EYA1: variants seen among roughly 807,000 people sequenced by gnomAD.
The protein encoded by EYA1 is protein phosphatase EYA1.
In EYA1, 16 loss-of-function variants were observed where a neutral mutation model predicts 82.0. The observed-to-expected ratio is 0.20, with a 90% CI of 0.13 to 0.30. The LOEUF (loss-of-function observed/expected upper bound fraction) is 0.30, where lower values mean the gene tolerates loss of function less well. Among genes scored for constraint, EYA1 ranks in the 10% least tolerant of loss-of-function variants. The pLI is 1.00. For synonymous variants in EYA1, 261 were observed against 264.4 expected, an observed-to-expected ratio of 0.99 and a Z score of 0.12; for missense variants, 633 against 730.7, an observed-to-expected ratio of 0.87 and a Z score of 1.54.
intron 3 of EYA1, among the ~76,000 whole-genome samples, chr8:71,344,407 T>C (rs985940344): frequency 6.6e-5 from 10 of 152,214 alleles, no homozygotes; most frequent in Non-Finnish European, 1.2e-4. Flanking sequence ...TTTATATTTA[T>C]TGAGGACCTA....
chr8:71,228,663 C>T (rs1191719233), intron 12 of EYA1, among the ~76,000 whole-genome samples: 1 of 152,160 alleles, frequency 6.6e-6, no homozygotes, highest in Non-Finnish European at 1.5e-5. Flanking sequence ...TACATAACCA[C>T]ATGTTCTCGA....
At chr8:71,360,922 A>C (rs924195725) in intron 1 of EYA1, among the ~76,000 whole-genome samples, 1 of 152,258 alleles carries the variant, frequency 6.6e-6, no homozygotes. Flanking sequence ...CCCATGAGTC[A>C]TTAACAATTC....
chr8:71,362,374 C>A, upstream of EYA1: 1 of 190,320 alleles, frequency 5.3e-6, no homozygotes, highest in Non-Finnish European at 9.7e-6. Context: ...GTGGTCAACA[C>A]ACACGCGTCC....
intron 1 of EYA1, among the ~76,000 whole-genome samples, chr8:71,541,649 A>G (rs982931587): frequency 1.3e-5 from 2 of 152,234 alleles, no homozygotes; most frequent in East Asian, 1.9e-4. Flanking sequence ...TTGATGGCAC[A>G]CCCATAAGGG....
intron 2 of EYA1, among the ~76,000 whole-genome samples, chr8:71,513,652 TC>T (rs1462905186): frequency 1.4e-4 from 22 of 152,122 alleles, no homozygotes; most frequent in Admixed American, 3.3e-4. Context: ...AATTAAGTTA[TC>T]ATTGACTATA....
At chr8:71,479,856 T>C (rs778898799) in intron 2 of EYA1, among the ~76,000 whole-genome samples, 25 of 152,266 alleles carry the variant, frequency 1.6e-4, no homozygotes, top group Non-Finnish European at 2.5e-4. Flanking sequence ...CAGTGAGCTA[T>C]GTGGGTGGAC....
At chr8:71,259,192 C>T (rs955863977) in intron 11 of EYA1, among the ~76,000 whole-genome samples, 7 of 152,148 alleles carry the variant, frequency 4.6e-5, no homozygotes, top group South Asian at 2.1e-4. Flanking sequence ...AAGCCAGAGC[C>T]GTATCACATT....
At chr8:71,367,712 A>G (rs1827837319) in intron 2 of EYA1, among the ~76,000 whole-genome samples, 1 of 152,218 alleles carries the variant, frequency 6.6e-6, no homozygotes, top group South Asian at 2.1e-4. Flanking sequence ...AGCAATGTCA[A>G]TAGGTATACA....
chr8:71,432,202 A>G (rs1005217277), intron 2 of EYA1, among the ~76,000 whole-genome samples: 2 of 152,128 alleles, frequency 1.3e-5, no homozygotes, highest in South Asian at 2.1e-4. Flanking sequence ...GCTTATTTGT[A>G]TGCATAGAAC....
intron 2 of EYA1, among the ~76,000 whole-genome samples, chr8:71,432,553 G>A (rs1406018481): frequency 6.6e-6 from 1 of 152,130 alleles, no homozygotes; most frequent in Non-Finnish European, 1.5e-5. Context: ...ACAGATGGTC[G>A]CCTTCCCCAT....
At chr8:71,236,570 G>C (rs1175921458) in intron 12 of EYA1, among the ~76,000 whole-genome samples, 1 of 152,062 alleles carries the variant, frequency 6.6e-6, no homozygotes, top group East Asian at 1.9e-4. Context: ...AAAAACCATG[G>C]GGGGTGGGTA....
intron 3 of EYA1, among the ~76,000 whole-genome samples, chr8:71,350,197 C>T (rs1826164605): frequency 6.6e-6 from 1 of 152,098 alleles, no homozygotes; most frequent in African/African-American, 2.4e-5. Context: ...AATATATAAA[C>T]ATAGCCTATA....
chr8:71,537,664 C>A (rs936648851), intron 1 of EYA1, among the ~76,000 whole-genome samples: 2 of 152,160 alleles, frequency 1.3e-5, no homozygotes, highest in African/African-American at 4.8e-5. Flanking sequence ...TAAGACAAAG[C>A]CCCCTCTGAT....
At chr8:71,519,896 C>T (rs1398295535) in intron 2 of EYA1, among the ~76,000 whole-genome samples, 1 of 152,124 alleles carries the variant, frequency 6.6e-6, no homozygotes, top group Non-Finnish European at 1.5e-5. Context: ...ATTAGTTCTA[C>T]TGAACATGAA....
intron 2 of EYA1, among the ~76,000 whole-genome samples, chr8:71,444,160 C>A (rs1420989712): frequency 6.6e-6 from 1 of 152,196 alleles, no homozygotes; most frequent in Non-Finnish European, 1.5e-5. Flanking sequence ...TAATTTACTG[C>A]AACTTAGGTG....
intron 1 of EYA1, among the ~76,000 whole-genome samples, chr8:71,540,798 T>C (rs1815078369): frequency 6.6e-6 from 1 of 152,158 alleles, no homozygotes; most frequent in Non-Finnish European, 1.5e-5. Context: ...CTCTTTGCCT[T>C]CTCACCAAGT....
chr8:71,369,648 G>A (rs910603836), intron 2 of EYA1, among the ~76,000 whole-genome samples: 15 of 152,294 alleles, frequency 9.8e-5, no homozygotes, highest in Admixed American at 3.3e-4. Context: ...TGGAATGAGT[G>A]CTCAAACAGG....
intron 6 of EYA1, among the ~76,000 whole-genome samples, chr8:71,320,137 T>G (rs1293704836): frequency 6.6e-6 from 1 of 152,150 alleles, no homozygotes; most frequent in Non-Finnish European, 1.5e-5. Flanking sequence ...GACAAGGACA[T>G]TCATTAATGG....
At chr8:71,515,328 T>C (rs1262088251) in intron 2 of EYA1, among the ~76,000 whole-genome samples, 1 of 152,098 alleles carries the variant, frequency 6.6e-6, no homozygotes, top group African/African-American at 2.4e-5. Flanking sequence ...AATTATGCTC[T>C]AGTCTCTCCA....
Sources: allele counts gnomAD v4.1 joint callset (sites outside exome capture counted in the v4.1 genomes callset), GRCh38; gene constraint gnomAD v4.1.1; transcripts MANE v1.5; gene names NCBI Gene and HGNC (gene_info 2026-07-23, HGNC 2026-07-21).